The following SACM1L variants were observed in gnomAD, a reference collection of about 807,000 sequenced individuals.
SACM1L encodes phosphatidylinositol-3-phosphatase SAC1.
SACM1L carries 32 observed loss-of-function variants against 89.5 expected under a neutral mutation model. The observed-to-expected ratio is 0.36, with a 90% CI of 0.27 to 0.48. The LOEUF is 0.48. Ranked by LOEUF, SACM1L falls within the 20% of genes least tolerant of loss-of-function variation. The probability of loss-of-function intolerance (pLI) is 0.99; values close to 1 mark genes in which losing one functional copy is unlikely to be tolerated. For synonymous variants in SACM1L, 213 were observed against 232.8 expected (o/e 0.92, Z 0.77); for missense variants, 543 against 708.5 (o/e 0.77, Z 2.65).
chr3:45,739,513 A>C (rs1263792744), intron 18 of SACM1L, 74 bp from the exon 19 acceptor site: 2 of 1,269,480 alleles, frequency 1.6e-6, no homozygotes, highest in Non-Finnish European at 1.2e-6. Context: ...TTCCCAAGCA[A>C]TGCATGCACA....
chr3:45,709,866 G>A (rs1698481365), intron 5 of SACM1L, among the ~76,000 whole-genome samples: 1 of 152,154 alleles, frequency 6.6e-6, no homozygotes, highest in Non-Finnish European at 1.5e-5. Flanking sequence ...AATCACTGGT[G>A]TAGATATTCA....
At position 45,722,931 on chromosome 3, in the gene SACM1L, A is replaced by G. The variant is rs1033905212; in HGVS notation, c.828A>G (p.Pro276=). The change falls in exon 10 of 20, where the codon CCA becomes CCG. Residue 276 remains proline (P), a synonymous_variant. Transcript: ENST00000389061. ...CAAACCTCAAGTACAAACCACTGCC[A>G]CAGATCAGCAAAGTAGCAAATCACG... is the stretch of plus-strand genomic sequence containing the variant. ...QRPNLKYKPL[P]QISKVANHMD... 1 of 1,613,654 alleles carries G rather than the reference A, an allele frequency of 6.2e-7. No individual in the cohort carries two copies. Among genetic ancestry groups the G allele is most frequent in the Non-Finnish European group, 8.5e-7 (1 of 1,179,748 alleles).
intron 5 of SACM1L, among the ~76,000 whole-genome samples, chr3:45,711,087 G>A (rs1250202650): frequency 2.6e-5 from 4 of 152,200 alleles, no homozygotes; most frequent in Admixed American, 2.6e-4. Context: ...ATGTACCAAA[G>A]TGAGGTGGGA....
At chr3:45,718,913 G>T (rs1291284870) in intron 7 of SACM1L, among the ~76,000 whole-genome samples, 2 of 151,986 alleles carry the variant, frequency 1.3e-5, no homozygotes, top group Non-Finnish European at 2.9e-5. Context: ...AAAGGCTTTT[G>T]GGGAGATACA....
intron 14 of SACM1L, among the ~76,000 whole-genome samples, chr3:45,736,540 T>TA (rs908383077): frequency 1.3e-5 from 2 of 152,162 alleles, no homozygotes; most frequent in African/African-American, 4.8e-5. Flanking sequence ...TCTTGAATCT[T>TA]AAAGTCACAC....
At chr3:45,721,595 C>G (rs1698789196) in intron 8 of SACM1L, among the ~76,000 whole-genome samples, 1 of 152,068 alleles carries the variant, frequency 6.6e-6, no homozygotes, top group African/African-American at 2.4e-5. Context: ...GTATAATTAC[C>G]TAAATTGATA....
chr3:45,739,256 G>T (rs1028452501), intron 18 of SACM1L, among the ~76,000 whole-genome samples: 15 of 152,116 alleles, frequency 9.9e-5, no homozygotes, highest in Non-Finnish European at 2.1e-4. Flanking sequence ...TGCAAGAGCC[G>T]CTCTGGATTT....
Position 45,738,611 on chromosome 3 carries a change from G to T in SACM1L, c.1416G>T (p.Met472Ile). The change falls in exon 17 of 20, where the codon ATG becomes ATT. Residue 472 changes from methionine (M) to isoleucine (I), a missense_variant. Physicochemically the swap from Met to Ile is conservative, Grantham distance 10. Around this residue, in one of 2 missense-constraint regions of SACM1L, gnomAD observed 370 missense variants for 527.6 expected, o/e 0.70. Transcript: ENST00000389061. ...AGAGAACTCATTTGGGACTTATAAT[G>T]GATGGCTGGAACTCAATGATACGAT... ...TGKRTHLGLI[M>I]DGWNSMIRYY... The T allele has an allele frequency of 1.2e-6, 2 of 1,612,950 alleles. No homozygotes were observed. Among genetic ancestry groups the T allele is most frequent in the Non-Finnish European group, 1.7e-6 (2 of 1,179,104 alleles).
At chr3:45,691,944 A>G (rs1698002532) in intron 1 of SACM1L, among the ~76,000 whole-genome samples, 1 of 152,148 alleles carries the variant, frequency 6.6e-6, no homozygotes, top group South Asian at 2.1e-4. Flanking sequence ...TCAAACTTGC[A>G]TTTCTTAGCC....
intron 1 of SACM1L, among the ~76,000 whole-genome samples, chr3:45,697,272 T>C (rs1365826228): frequency 1.6e-5 from 2 of 124,618 alleles, no homozygotes; most frequent in Admixed American, 1.5e-4. Context: ...TCTTTTCCTT[T>C]TTTTTTTTTT....
At chr3:45,720,851 C>T (rs1301757822) in intron 8 of SACM1L, among the ~76,000 whole-genome samples, 1 of 152,120 alleles carries the variant, frequency 6.6e-6, no homozygotes, top group Non-Finnish European at 1.5e-5. Context: ...TTCACATATA[C>T]CTGCAAATGT....
chr3:45,712,458 C>T lies in SACM1L; in HGVS notation c.484-679C>T, dbSNP rs142785824. Among the ~76,000 whole-genome samples, 126 of 152,296 alleles carry T rather than the reference C, an allele frequency of 8.3e-4. 1 individual carries two copies. The highest frequency in any genetic ancestry group is 2.9e-3 in the African/African-American group (121 of 41,564). On this transcript the variant is annotated intron_variant, in intron 5 of 19. Transcript: ENST00000389061. ...ACATGTCGGCCAGGCTGGTCTCGAA[C>T]TCCTAAGTCTCAAGTGATCCGCCTG...
rs146279268 is a variant in SACM1L, at chr3:45,728,563, G to A, written c.922-2738G>A. ...CATATAAAAGCTCTACTCCTGTAAAGCCTTCATGCTTCCTTTTTATGTTGA... is the reference window on the plus strand; with the variant it reads ...CATATAAAAGCTCTACTCCTGTAAAACCTTCATGCTTCCTTTTTATGTTGA... On this transcript the variant is annotated intron_variant, in intron 11 of 19. Coordinates refer to ENST00000389061, the MANE Select transcript of SACM1L (RefSeq NM_014016.5). Among the ~76,000 whole-genome samples, 391 of 152,142 alleles carry A rather than the reference G, an allele frequency of 2.6e-3. 12 individuals carry two copies. The East Asian group carries it at 0.046, about 18-fold the overall frequency.
intron 5 of SACM1L, among the ~76,000 whole-genome samples, chr3:45,712,869 G>A (rs1351869617): frequency 6.6e-6 from 1 of 152,168 alleles, no homozygotes; most frequent in African/African-American, 2.4e-5. Flanking sequence ...TAAAAAATAT[G>A]GATTTTGAAG....
chr3:45,724,862 G>C (rs1441451082), intron 11 of SACM1L, among the ~76,000 whole-genome samples: 1 of 152,058 alleles, frequency 6.6e-6, no homozygotes, highest in Non-Finnish European at 1.5e-5. Flanking sequence ...GTTAATTTTT[G>C]TATATGGTGT....
intron 8 of SACM1L, among the ~76,000 whole-genome samples, chr3:45,721,773 T>C (rs1454851323): frequency 1.3e-5 from 2 of 152,192 alleles, no homozygotes; most frequent in Non-Finnish European, 2.9e-5. Context: ...ACTTCATCTG[T>C]TTATTAATAG....
chr3:45,728,302 A>G (rs1200451602), intron 11 of SACM1L, among the ~76,000 whole-genome samples: 2 of 152,010 alleles, frequency 1.3e-5, no homozygotes, highest in Non-Finnish European at 1.5e-5. Flanking sequence ...ACTGATAAGG[A>G]TTTACTTCTG....
chr3:45,735,935 C>T (rs959756097), intron 14 of SACM1L, among the ~76,000 whole-genome samples: 8 of 152,082 alleles, frequency 5.3e-5, no homozygotes, highest in Non-Finnish European at 2.9e-5. Context: ...GGTGCAGTCT[C>T]GGCTTGCTGC....
At chr3:45,715,878 G>A (rs1698645509) in intron 7 of SACM1L, among the ~76,000 whole-genome samples, 1 of 151,292 alleles carries the variant, frequency 6.6e-6, no homozygotes, top group Admixed American at 6.6e-5. Flanking sequence ...GATTGTGAAT[G>A]GACAAACAAT....
Sources: gnomAD v4.1 joint callset for allele counts (sites outside exome capture counted in the v4.1 genomes callset) on GRCh38, gnomAD v4.1.1 for gene constraint, gnomAD v4.1.1 regional missense constraint, MANE v1.5 for transcripts, NCBI Gene and HGNC (gene_info 2026-07-23, HGNC 2026-07-21) for gene names.